MYT1L: variants seen among roughly 807,000 people sequenced by gnomAD.
MYT1L encodes the protein myelin transcription factor 1 like.
Under a neutral mutation model 126.7 loss-of-function variants are expected in MYT1L, and 12 were observed. The ratio of observed to expected loss-of-function variants is 0.09; its 90% CI spans 0.06 to 0.15. MYT1L has a LOEUF of 0.15. MYT1L is among the 10% of genes least tolerant of loss of function. MYT1L has a pLI of 1.00. For synonymous variants in MYT1L, 541 were observed against 604.2 expected, an observed-to-expected ratio of 0.90 and a Z score of 1.53; for missense variants, 979 against 1,585.2, an observed-to-expected ratio of 0.62 and a Z score of 6.49.
chr2:2,311,032 C>A (rs1337557215), intron 1 of MYT1L, among the ~76,000 whole-genome samples: 1 of 152,148 alleles, frequency 6.6e-6, no homozygotes, highest in Non-Finnish European at 1.5e-5. Flanking sequence ...TTGGGTCAAC[C>A]CTGAAGTGCT....
chr2:2,015,334 C>T (rs2064264511), intron 4 of MYT1L, among the ~76,000 whole-genome samples: 1 of 152,168 alleles, frequency 6.6e-6, no homozygotes, highest in Non-Finnish European at 1.5e-5. Context: ...CCTTATCACA[C>T]TTGATCCTCA....
At chr2:1,919,959 C>G (rs867807052) in intron 10 of MYT1L, among the ~76,000 whole-genome samples, 1 of 121,664 alleles carries the variant, frequency 8.2e-6, no homozygotes, top group Non-Finnish European at 1.6e-5. Context: ...ACCTCGTGAT[C>G]CACCCGCACT....
At chr2:1,876,925 C>T (rs574185916) in intron 18 of MYT1L, among the ~76,000 whole-genome samples, 115 of 152,348 alleles carry the variant, frequency 7.5e-4, no homozygotes, top group African/African-American at 2.6e-3. Flanking sequence ...CAGGGGAGGA[C>T]GCAGACATGG....
At chr2:2,158,297 T>C (rs2087075076) in intron 3 of MYT1L, among the ~76,000 whole-genome samples, 1 of 152,152 alleles carries the variant, frequency 6.6e-6, no homozygotes, top group South Asian at 2.1e-4. Flanking sequence ...TTCCCTGCCA[T>C]TGTTTCCTAG....
At chr2:1,826,488 GT>G (rs1175440981) in intron 21 of MYT1L, among the ~76,000 whole-genome samples, 1 of 152,184 alleles carries the variant, frequency 6.6e-6, no homozygotes, top group East Asian at 1.9e-4. Context: ...GGCAGAGGAG[GT>G]TGACCAGATG....
intron 18 of MYT1L, among the ~76,000 whole-genome samples, chr2:1,873,287 T>C (rs1007215270): frequency 6.6e-6 from 1 of 152,228 alleles, no homozygotes; most frequent in African/African-American, 2.4e-5. Flanking sequence ...AAAACAAATG[T>C]TAAACTATTT....
chr2:1,844,456 C>T (rs2042231863), intron 19 of MYT1L, among the ~76,000 whole-genome samples: 2 of 152,140 alleles, frequency 1.3e-5, no homozygotes, highest in African/African-American at 4.8e-5. Flanking sequence ...GATGGAAAGC[C>T]AGTACTTGCT....
At position 1,904,722 on chromosome 2, in the gene MYT1L, A is replaced by G. The variant is rs569563616; in HGVS notation, c.1818-1428T>C. ...CTACAGTCTCATCTGCCATCTTTGT[A>G]TTTTTCTCAAGTGATTCTCCTGCCT... On this transcript the variant is annotated intron_variant, in intron 13 of 24. Coordinates refer to ENST00000647738, the MANE Select transcript of MYT1L (RefSeq NM_001303052.2). Among the ~76,000 whole-genome samples the G allele has an allele frequency of 4.2e-4, 62 of 145,922 alleles. 2 individuals carry two copies. The South Asian group carries it at 0.012, about 28-fold the overall frequency.
At chr2:2,232,645 C>T (rs1192667489) in intron 2 of MYT1L, among the ~76,000 whole-genome samples, 1 of 152,228 alleles carries the variant, frequency 6.6e-6, no homozygotes, top group African/African-American at 2.4e-5. Flanking sequence ...CATTTCTTCA[C>T]ACGACTCCTC....
chr2:2,265,349 A>C (rs1230763650), intron 2 of MYT1L, among the ~76,000 whole-genome samples: 1 of 151,228 alleles, frequency 6.6e-6, no homozygotes, highest in South Asian at 2.1e-4. Context: ...TAATAATGAC[A>C]TCTACCTTTT....
chr2:1,832,215 C>G (rs2040289920), intron 21 of MYT1L, among the ~76,000 whole-genome samples: 1 of 152,104 alleles, frequency 6.6e-6, no homozygotes, highest in African/African-American at 2.4e-5. Flanking sequence ...GCCAGCGAGC[C>G]TGCTCTCTCC....
chr2:2,013,872 G>C (rs116730819), intron 4 of MYT1L, among the ~76,000 whole-genome samples: 2 of 152,200 alleles, frequency 1.3e-5, no homozygotes, highest in African/African-American at 4.8e-5. Flanking sequence ...GTCCGCACCC[G>C]GGCAGTTTGG....
intron 3 of MYT1L, among the ~76,000 whole-genome samples, chr2:2,102,373 T>C (rs1399176610): frequency 6.6e-6 from 1 of 152,222 alleles, no homozygotes; most frequent in Non-Finnish European, 1.5e-5. Flanking sequence ...ATAGGTAAGT[T>C]GTTTACATGG....
intron 21 of MYT1L, among the ~76,000 whole-genome samples, chr2:1,813,891 G>A (rs2037156753): frequency 1.8e-5 from 2 of 108,940 alleles, no homozygotes; most frequent in South Asian, 9.4e-4. Flanking sequence ...GCCGGGCGTG[G>A]TAGCGGGCGC....
At chr2:2,313,542 A>G (rs2096011187) in intron 1 of MYT1L, among the ~76,000 whole-genome samples, 1 of 152,012 alleles carries the variant, frequency 6.6e-6, no homozygotes, top group Non-Finnish European at 1.5e-5. Context: ...GAAATGGTAT[A>G]AGGAGGAAGA....
At chr2:1,846,188 G>T (rs113367763) in intron 19 of MYT1L, among the ~76,000 whole-genome samples, 2 of 152,212 alleles carry the variant, frequency 1.3e-5, no homozygotes, top group African/African-American at 4.8e-5. Flanking sequence ...GAATGCGTGA[G>T]AGTGCGCCAG....
At chr2:1,970,339 G>T (rs2059715179) in intron 8 of MYT1L, among the ~76,000 whole-genome samples, 1 of 152,210 alleles carries the variant, frequency 6.6e-6, no homozygotes, top group Non-Finnish European at 1.5e-5. Flanking sequence ...TTTGCCGTGA[G>T]TGCAGATTCC....
rs201412400 is a variant in MYT1L, at chr2:1,868,437, G to GAGGA, written c.2712-16738_2712-16735dup. ...AAAGAATAGGAATGATTTTCTAGAAGAGGAAGGAAGGAAGGAAGGAAGAAA... is the reference window on the plus strand; with the variant it reads ...AAAGAATAGGAATGATTTTCTAGAAGAGGAAGGAAGGAAGGAAGGAAGGAAGAAA... On this transcript the variant is annotated intron_variant, in intron 18 of 24. Coordinates refer to ENST00000647738, the MANE Select transcript of MYT1L (RefSeq NM_001303052.2). Among the ~76,000 whole-genome samples, 28 of 151,278 alleles carry GAGGA rather than the reference G, an allele frequency of 1.9e-4. No homozygotes were observed. The East Asian group carries it at 2.9e-3, about 16-fold the overall frequency.
At chr2:2,043,261 G>A (rs1486528198) in intron 4 of MYT1L, among the ~76,000 whole-genome samples, 16 of 152,086 alleles carry the variant, frequency 1.1e-4, no homozygotes, top group Admixed American at 1.0e-3. Context: ...CTAGTCCCTT[G>A]TATTAAATGT....
Sources: gnomAD v4.1 joint callset for allele counts (sites outside exome capture counted in the v4.1 genomes callset) on GRCh38, gnomAD v4.1.1 for gene constraint, MANE v1.5 for transcripts, NCBI Gene and HGNC (gene_info 2026-07-23, HGNC 2026-07-21) for gene names.